GTF2IRD1: variants seen among roughly 807,000 people sequenced by gnomAD.
The protein encoded by GTF2IRD1 is GTF2I repeat domain containing 1, also known as general transcription factor II-I repeat domain-containing protein 1.
In GTF2IRD1, 26 loss-of-function variants were observed where a neutral mutation model predicts 113.2. The ratio of observed to expected loss-of-function variants is 0.23; its 90% CI spans 0.17 to 0.32. The LOEUF is 0.32. Ranked by LOEUF, GTF2IRD1 falls within the 10% of genes least tolerant of loss-of-function variation. The pLI, the probability that GTF2IRD1 is intolerant of heterozygous loss-of-function variation, is 1.00. For missense variants in GTF2IRD1, 864 were observed against 1,280.8 expected, an observed-to-expected ratio of 0.67 and a Z score of 4.97; for synonymous variants, 484 against 529.1, an observed-to-expected ratio of 0.91 and a Z score of 1.17.
chr7:74,576,589 G>A (rs112776335), intron 22 of GTF2IRD1, among the ~76,000 whole-genome samples: 4 of 147,390 alleles, frequency 2.7e-5, no homozygotes, highest in African/African-American at 1.0e-4. Flanking sequence ...TCCTTCTGGA[G>A]GCTCTAGGGG....
intron 8 of GTF2IRD1, among the ~76,000 whole-genome samples, chr7:74,526,393 A>C (rs879999370): frequency 1.1e-4 from 16 of 152,206 alleles, no homozygotes; most frequent in Middle Eastern, 3.2e-3. Flanking sequence ...AGCCCAAGGC[A>C]TTCCACTGGT....
intron 6 of GTF2IRD1, among the ~76,000 whole-genome samples, chr7:74,520,868 AT>A (rs1797250465): frequency 7.0e-6 from 1 of 143,850 alleles, no homozygotes; most frequent in African/African-American, 2.5e-5. Context: ...TATTATTATT[AT>A]TATTATTATT....
rs1794617503 is a variant in GTF2IRD1, at chr7:74,479,529, GC to G, written c.-7+25355del. ...GGTGCTGCGGTGGGGCAGGGAAGGC[GC>G]CTCCCTTGTAGAAGAGCAGGGCCTG... is the stretch of plus-strand genomic sequence containing the variant. On this transcript the variant is annotated intron_variant, in intron 1 of 26. Coordinates refer to ENST00000424337, the MANE Select transcript of GTF2IRD1 (RefSeq NM_005685.4). Among the ~76,000 whole-genome samples, 3 of 152,040 alleles carry G rather than the reference GC, an allele frequency of 2.0e-5. No homozygotes were observed. In the South Asian group the frequency reaches 6.2e-4, roughly 32 times the overall value.
chr7:74,518,081 C>G (rs587719181), intron 4 of GTF2IRD1, 58 bp from the exon 5 acceptor site: 1 of 1,295,278 alleles, frequency 7.7e-7, no homozygotes, highest in Non-Finnish European at 1.0e-6. Flanking sequence ...ACAGCAGCCC[C>G]GACCCCAGCC....
At chr7:74,559,184 G>A in intron 21 of GTF2IRD1, 140 bp downstream of exon 21, 1 of 782,510 alleles carries the variant, frequency 1.3e-6, no homozygotes. Flanking sequence ...TGGGTCCTGG[G>A]GGTGGTTGGA....
chr7:74,519,787 T>A, intron 6 of GTF2IRD1, 68 bp downstream of exon 6: 2 of 1,191,296 alleles, frequency 1.7e-6, no homozygotes, highest in Non-Finnish European at 2.4e-6. Context: ...GGGGACAGCC[T>A]CCCAGGGCAG....
In GTF2IRD1 at chr7:74,453,925, C is replaced by G. The variant is rs1792764273; in HGVS notation, c.-258C>G. 2 of 150,164 alleles carry G rather than the reference C, an allele frequency of 1.3e-5. No homozygotes were observed. Among genetic ancestry groups the G allele is most frequent in the Admixed American group, 6.6e-5 (1 of 15,078 alleles). The allele number at this position is 150,164 out of a possible 1,614,324, so 9.3% of individuals were successfully genotyped here. On this transcript the variant is annotated 5_prime_UTR_variant, in exon 1 of 27. Coordinates refer to ENST00000424337, the MANE Select transcript of GTF2IRD1 (RefSeq NM_005685.4). ...CTCTCCGCTCCTCTCCCCGCGCCGCCCCGCCCTCCGCCGCAGCCCGCGCCG... is the reference window on the plus strand; with the variant it reads ...CTCTCCGCTCCTCTCCCCGCGCCGCGCCGCCCTCCGCCGCAGCCCGCGCCG...
chr7:74,480,831 G>A (rs1451332440), intron 1 of GTF2IRD1, among the ~76,000 whole-genome samples: 1 of 152,190 alleles, frequency 6.6e-6, no homozygotes, highest in Non-Finnish European at 1.5e-5. Flanking sequence ...AGTGCTCCTA[G>A]TACCTGATGC....
chr7:74,521,357 C>T (rs985212220), intron 7 of GTF2IRD1, 60 bp downstream of exon 7: 2 of 1,004,534 alleles, frequency 2.0e-6, no homozygotes, highest in Non-Finnish European at 3.2e-6. Flanking sequence ...GGAGGTGGTG[C>T]TTATTGAAAT....
intron 22 of GTF2IRD1, among the ~76,000 whole-genome samples, chr7:74,585,431 G>A (rs1236402902): frequency 1.3e-5 from 2 of 152,086 alleles, no homozygotes; most frequent in Non-Finnish European, 2.9e-5. Context: ...GTCTTTGAGA[G>A]GCCTGCTAAG....
intron 10 of GTF2IRD1, among the ~76,000 whole-genome samples, chr7:74,535,843 C>G (rs944851664): frequency 9.9e-5 from 15 of 152,240 alleles, no homozygotes; most frequent in Non-Finnish European, 4.4e-5. Context: ...AGCCCCGGCC[C>G]TTTTCTGAGG....
chr7:74,495,214 TC>T (rs1795586096), intron 1 of GTF2IRD1, among the ~76,000 whole-genome samples: 1 of 152,058 alleles, frequency 6.6e-6, no homozygotes, highest in South Asian at 2.1e-4. Context: ...GGTGGGCGTG[TC>T]CCCTTTGGGA....
intron 1 of GTF2IRD1, among the ~76,000 whole-genome samples, chr7:74,467,195 C>T (rs1044862101): frequency 9.2e-5 from 14 of 152,174 alleles, no homozygotes; most frequent in Middle Eastern, 3.4e-3. Flanking sequence ...GTGATCCACC[C>T]GCCTCAGCCT....
In GTF2IRD1 at chr7:74,554,233, A is replaced by G. The variant is rs587613870; in HGVS notation, c.1917-941A>G. On this transcript the variant is annotated intron_variant, in intron 17 of 26. Transcript: ENST00000424337. ...CCCCGACAGCCCCCTTCTGGCCAGCATGATTTTCCCAGTGTCCTCTACCCA... is the reference window on the plus strand; with the variant it reads ...CCCCGACAGCCCCCTTCTGGCCAGCGTGATTTTCCCAGTGTCCTCTACCCA... Among the ~76,000 whole-genome samples the G allele has an allele frequency of 9.5e-4, 145 of 152,198 alleles. 1 individual carries two copies. Among genetic ancestry groups the G allele is most frequent in the African/African-American group, 3.4e-3 (140 of 41,554 alleles).
rs782184896 is a variant in GTF2IRD1, at chr7:74,547,198, A to G, written c.1828A>G (p.Ile610Val). 24 of 1,613,586 alleles carry G rather than the reference A, an allele frequency of 1.5e-5. No homozygotes were observed. The Admixed American group carries it at 4.0e-4, about 27-fold the overall frequency. ...ELFVVGLPEG[I>V]SLRRPNCFGI... ...GTTTGTGGTGGGACTGCCTGAAGGCATCTCCCTCCGCAGGCCCAACTGCTT... is the reference window on the plus strand; with the variant it reads ...GTTTGTGGTGGGACTGCCTGAAGGCGTCTCCCTCCGCAGGCCCAACTGCTT... The change falls in exon 17 of 27, where the codon ATC (isoleucine) becomes GTC (valine). Residue 610 changes from isoleucine to valine, a missense_variant. Physicochemically the swap from Ile to Val is conservative, Grantham distance 29. Transcript: ENST00000424337.
chr7:74,495,204 G>T (rs1795585094), intron 1 of GTF2IRD1, among the ~76,000 whole-genome samples: 1 of 152,212 alleles, frequency 6.6e-6, no homozygotes, highest in Non-Finnish European at 1.5e-5. Flanking sequence ...GCAGGCTCCA[G>T]GTGGGCGTGT....
intron 1 of GTF2IRD1, among the ~76,000 whole-genome samples, chr7:74,455,781 C>T (rs1554327089): frequency 6.6e-6 from 1 of 152,178 alleles, no homozygotes; most frequent in South Asian, 2.1e-4. Flanking sequence ...CTCGTTCTTC[C>T]ACAGCCTGTT....
intron 1 of GTF2IRD1, among the ~76,000 whole-genome samples, chr7:74,496,480 CACGTAT>C (rs1333421997): frequency 2.7e-5 from 3 of 112,362 alleles, no homozygotes; most frequent in South Asian, 2.8e-4. Context: ...TGTGGGTGTG[CACGTAT>C]GTGTGTGTGT....
chr7:74,479,127 G>A (rs2117090091), intron 1 of GTF2IRD1, among the ~76,000 whole-genome samples: 1 of 152,142 alleles, frequency 6.6e-6, no homozygotes, highest in East Asian at 1.9e-4. Context: ...CAGAGACTTG[G>A]CAACTCCTGG....
Sources: allele counts gnomAD v4.1 joint callset (sites outside exome capture counted in the v4.1 genomes callset), GRCh38; gene constraint gnomAD v4.1.1; transcripts MANE v1.5; gene names NCBI Gene and HGNC (gene_info 2026-07-23, HGNC 2026-07-21).